MEMO1: variants seen among roughly 807,000 people sequenced by gnomAD.
MEMO1 encodes mediator of cell motility 1, also known as protein MEMO1.
MEMO1 carries 6 observed loss-of-function variants against 45.2 expected under a neutral mutation model. The ratio of observed to expected loss-of-function variants is 0.13; its 90% CI spans 0.07 to 0.26. MEMO1 has a LOEUF of 0.26. MEMO1 is among the 10% of genes least tolerant of loss of function. MEMO1 has a pLI of 1.00. For synonymous variants in MEMO1, 78 were observed against 124.3 expected (o/e 0.63, Z 2.48); for missense variants, 184 against 370.5 (o/e 0.50, Z 4.13).
intron 8 of MEMO1, among the ~76,000 whole-genome samples, chr2:31,872,824 A>T (rs1277389726): frequency 6.6e-6 from 1 of 152,192 alleles, no homozygotes; most frequent in Admixed American, 6.5e-5. Context: ...CTTTATAAGG[A>T]AAGATGGGAA....
At chr2:31,983,209 C>A (rs879816550) in intron 2 of MEMO1, among the ~76,000 whole-genome samples, 2 of 151,880 alleles carry the variant, frequency 1.3e-5, no homozygotes, top group Non-Finnish European at 2.9e-5. Context: ...TGTAGTGAGC[C>A]AAGATCGTGC....
In MEMO1 at chr2:31,901,988, T is replaced by A. The variant is rs577606425; in HGVS notation, c.438-9854A>T. Among the ~76,000 whole-genome samples the A allele has an allele frequency of 3.3e-5, 5 of 152,048 alleles. No individual in the cohort carries two copies. The South Asian group carries it at 1.0e-3, about 32-fold the overall frequency. On this transcript the variant is annotated intron_variant, in intron 6 of 9. Transcript: ENST00000404530. ...GATTTACTAAAAAAAAACATTGAGT[T>A]GAGACCTGGTGCTGTAGCAGATGCT... is the stretch of plus-strand genomic sequence containing the variant.
chr2:31,986,123 G>A (rs191092540), intron 2 of MEMO1, among the ~76,000 whole-genome samples: 3 of 151,960 alleles, frequency 2.0e-5, no homozygotes, highest in African/African-American at 4.8e-5. Context: ...GGCCAGCCGC[G>A]GTGGCTCACG....
chr2:31,902,234 T>C (rs1678957961), intron 6 of MEMO1, among the ~76,000 whole-genome samples: 2 of 152,064 alleles, frequency 1.3e-5, no homozygotes, highest in Admixed American at 1.3e-4. Context: ...CTGGCTCACA[T>C]GGTGAAACCC....
At chr2:31,881,495 T>TAAAA (rs34058748) in intron 8 of MEMO1, among the ~76,000 whole-genome samples, 143 of 68,428 alleles carry the variant, frequency 2.1e-3, no homozygotes, top group Middle Eastern at 0.012. Flanking sequence ...AGCCTGTCTT[T>TAAAA]AAAAAAAAAA....
intron 6 of MEMO1, among the ~76,000 whole-genome samples, chr2:31,912,385 T>TGCCTGTAATCCCAGCCACTC (rs1680700076): frequency 6.6e-6 from 1 of 151,598 alleles, no homozygotes; most frequent in Admixed American, 6.6e-5. Flanking sequence ...TGGTGGCACT[T>TGCCTGTAATCCCAGCCACTC]GCCTGTAATC....
intron 2 of MEMO1, among the ~76,000 whole-genome samples, chr2:31,994,307 A>T (rs1372765363): frequency 6.6e-6 from 1 of 151,894 alleles, no homozygotes; most frequent in Non-Finnish European, 1.5e-5. Context: ...TACTCGAGAT[A>T]AAAGTCACAA....
intron 2 of MEMO1, among the ~76,000 whole-genome samples, chr2:31,948,432 C>A (rs889883139): frequency 3.3e-5 from 5 of 152,116 alleles, no homozygotes; most frequent in Admixed American, 6.5e-5. Context: ...CATAAAAAGC[C>A]AAATAAAAGT....
chr2:31,996,475 C>G (rs1439019896), intron 2 of MEMO1, among the ~76,000 whole-genome samples: 1 of 151,638 alleles, frequency 6.6e-6, no homozygotes, highest in African/African-American at 2.4e-5. Flanking sequence ...ACCTGGCAGG[C>G]GGAGGTTGTA....
At chr2:31,981,219 G>C (rs1670598635) in intron 2 of MEMO1, among the ~76,000 whole-genome samples, 1 of 152,206 alleles carries the variant, frequency 6.6e-6, no homozygotes, top group Non-Finnish European at 1.5e-5. Context: ...ACAGCCTCTA[G>C]TTGAGAACCA....
intron 2 of MEMO1, among the ~76,000 whole-genome samples, chr2:31,977,507 C>T (rs1272320066): frequency 1.3e-5 from 2 of 151,984 alleles, no homozygotes; most frequent in African/African-American, 4.8e-5. Context: ...AATTTATTTA[C>T]TTATTTAATT....
At chr2:31,976,231 A>G (rs1170282060) in intron 2 of MEMO1, among the ~76,000 whole-genome samples, 2 of 152,204 alleles carry the variant, frequency 1.3e-5, no homozygotes, top group African/African-American at 4.8e-5. Flanking sequence ...CTAAACTTAA[A>G]TGCTTTCTCC....
chr2:31,958,530 A>T (rs1214847201), intron 2 of MEMO1, among the ~76,000 whole-genome samples: 1 of 152,066 alleles, frequency 6.6e-6, no homozygotes, highest in African/African-American at 2.4e-5. Context: ...CTATTTAAGA[A>T]ATAAGAACCT....
chr2:32,006,092 C>T (rs1674029073), intron 2 of MEMO1, among the ~76,000 whole-genome samples: 1 of 152,096 alleles, frequency 6.6e-6, no homozygotes, highest in East Asian at 1.9e-4. Context: ...GAGGGTAAAA[C>T]CAAAACTGGG....
chr2:31,912,774 C>T (rs567256420), intron 6 of MEMO1, among the ~76,000 whole-genome samples: 13 of 152,114 alleles, frequency 8.5e-5, no homozygotes, highest in Admixed American at 4.6e-4. Context: ...GCATAAAAAC[C>T]TTTACTGGCA....
At position 31,960,374 on chromosome 2, in the gene MEMO1, A is replaced by C. The variant is rs140678291; in HGVS notation, c.62-16991T>G. 9.7e-3 allele frequency among the ~76,000 whole-genome samples: 1,476 copies of C among 152,244 alleles called. 25 individuals carry two copies. Among genetic ancestry groups the C allele is most frequent in the South Asian group, 0.048 (233 of 4,816 alleles). ...GCATAGCTTTTATCTAAGGACATCA[A>C]AGCAACTTTTGAACATCTATTAATT... On this transcript the variant is annotated intron_variant, in intron 2 of 9. Coordinates refer to ENST00000404530, the MANE Select transcript of MEMO1 (RefSeq NM_001301833.4).
intron 3 of MEMO1, among the ~76,000 whole-genome samples, chr2:31,941,334 C>G (rs1244887039): frequency 1.3e-5 from 2 of 152,184 alleles, no homozygotes; most frequent in African/African-American, 4.8e-5. Flanking sequence ...AGCTTGCTCT[C>G]TCACATCATT....
intron 4 of MEMO1, 95 bp from the exon 5 acceptor site, chr2:31,921,005 G>C (rs1682245512): frequency 1.2e-6 from 1 of 817,142 alleles, no homozygotes; most frequent in Non-Finnish European, 1.9e-6. Flanking sequence ...CAAATCACTT[G>C]TTTTCCTTCT....
intron 6 of MEMO1, among the ~76,000 whole-genome samples, chr2:31,911,578 C>T (rs1359462167): frequency 1.3e-5 from 2 of 152,046 alleles, no homozygotes; most frequent in Non-Finnish European, 2.9e-5. Context: ...ACAAATGTAC[C>T]ATACTAATTC....
Sources: allele counts gnomAD v4.1 joint callset (sites outside exome capture counted in the v4.1 genomes callset), GRCh38; gene constraint gnomAD v4.1.1; transcripts MANE v1.5; gene names NCBI Gene and HGNC (gene_info 2026-07-23, HGNC 2026-07-21).